Variants in LINGO2 observed in about 807,000 individuals in gnomAD.
LINGO2 encodes the protein leucine-rich repeat and immunoglobulin-like domain-containing nogo receptor-interacting protein 2.
A neutral mutation model predicts 30.6 loss-of-function variants in LINGO2; 14 were observed. The ratio of observed to expected loss-of-function variants is 0.46; its 90% CI spans 0.30 to 0.72. The LOEUF (loss-of-function observed/expected upper bound fraction) is 0.72. LINGO2 is among the 30% of genes least tolerant of loss of function. The probability of loss-of-function intolerance (pLI) is 0.07; values close to 1 mark genes in which losing one functional copy is unlikely to be tolerated. For missense variants in LINGO2, 729 were observed against 751.7 expected, an observed-to-expected ratio of 0.97 and a Z score of 0.35; for synonymous variants, 317 against 288.5, an observed-to-expected ratio of 1.10 and a Z score of -1.00.
chr9:28,353,707 T>G (rs1820022831), intron 3 of LINGO2, among the ~76,000 whole-genome samples: 1 of 152,146 alleles, frequency 6.6e-6, no homozygotes, highest in Admixed American at 6.6e-5. Context: ...TGCACACGTA[T>G]GTTTATTGCG....
the LINGO2 span, among the ~76,000 whole-genome samples, chr9:29,104,996 C>T: frequency 3.7e-4 from 57 of 152,270 alleles, no homozygotes; most frequent in African/African-American, 1.3e-3. Context: ...GCAATGGGTT[C>T]TCTTTAGTCA....
chr9:28,449,032 CGTGTGTGTGTGTGTGTGTGTGTGTGT>C (rs140779747), intron 2 of LINGO2, among the ~76,000 whole-genome samples: 1 of 137,910 alleles, frequency 7.3e-6, no homozygotes, highest in Admixed American at 7.4e-5. Flanking sequence ...TATTCACATT[CGTGTGTGTGTGTGTGTGTGTGTGTGT>C]GTGTGTGTGT....
At chr9:28,206,872 A>T (rs568648883) in intron 4 of LINGO2, among the ~76,000 whole-genome samples, 1 of 152,258 alleles carries the variant, frequency 6.6e-6, no homozygotes, top group South Asian at 2.1e-4. Flanking sequence ...CAGTTATCAT[A>T]CAAACCCTAC....
At chr9:28,844,557 T>C in the LINGO2 span, among the ~76,000 whole-genome samples, 2 of 151,806 alleles carry the variant, frequency 1.3e-5, no homozygotes, top group East Asian at 1.9e-4. Context: ...TTATAAAACA[T>C]TGTTCTTTTC....
chr9:28,543,407 T>A (rs1472451305), intron 1 of LINGO2, among the ~76,000 whole-genome samples: 3 of 152,086 alleles, frequency 2.0e-5, no homozygotes, highest in African/African-American at 7.2e-5. Flanking sequence ...AGAAAGACAG[T>A]TCTGGATTAT....
intron 4 of LINGO2, among the ~76,000 whole-genome samples, chr9:28,013,723 C>G (rs1385447031): frequency 1.3e-5 from 2 of 152,150 alleles, no homozygotes; most frequent in African/African-American, 4.8e-5. Context: ...ATGTTTCCCA[C>G]AAAGATATTT....
chr9:28,819,856 T>C, the LINGO2 span, among the ~76,000 whole-genome samples: 2 of 152,156 alleles, frequency 1.3e-5, no homozygotes, highest in Non-Finnish European at 2.9e-5. Context: ...CCATTTATTG[T>C]CTCTTCTACT....
At chr9:28,042,536 C>T (rs1211304557) in intron 4 of LINGO2, among the ~76,000 whole-genome samples, 1 of 152,118 alleles carries the variant, frequency 6.6e-6, no homozygotes, top group Non-Finnish European at 1.5e-5. Context: ...AACCAAAGTC[C>T]ACCATCTTTC....
At chr9:28,733,047 T>C in the LINGO2 span, among the ~76,000 whole-genome samples, 19 of 152,314 alleles carry the variant, frequency 1.2e-4, no homozygotes, top group African/African-American at 3.8e-4. Context: ...TACTTCCAGA[T>C]AAGAAATACT....
the LINGO2 span, among the ~76,000 whole-genome samples, chr9:29,088,260 G>A: frequency 2.6e-5 from 4 of 151,982 alleles, no homozygotes; most frequent in South Asian, 2.1e-4. Flanking sequence ...TATGATCCAC[G>A]CCATCTAGGT....
intron 4 of LINGO2, among the ~76,000 whole-genome samples, chr9:28,292,033 A>T (rs1186591865): frequency 1.3e-5 from 2 of 152,238 alleles, no homozygotes; most frequent in Non-Finnish European, 2.9e-5. Context: ...ATGGGGGAAG[A>T]AAGACCTGTC....
the LINGO2 span, among the ~76,000 whole-genome samples, chr9:29,150,564 AG>A: frequency 1.3e-5 from 2 of 152,222 alleles, no homozygotes; most frequent in Non-Finnish European, 2.9e-5. Context: ...AGCCATTTTA[AG>A]AAAAAAAGCA....
chr9:29,182,682 C>A, the LINGO2 span, among the ~76,000 whole-genome samples: 1 of 116,014 alleles, frequency 8.6e-6, no homozygotes, highest in African/African-American at 3.3e-5. Context: ...AGAAGTAAAT[C>A]TGTAGGTTTT....
chr9:28,068,654 A>G (rs1481282953), intron 4 of LINGO2, among the ~76,000 whole-genome samples: 1 of 152,160 alleles, frequency 6.6e-6, no homozygotes, highest in African/African-American at 2.4e-5. Flanking sequence ...AATATACCAT[A>G]CTTATTCGAT....
the LINGO2 span, among the ~76,000 whole-genome samples, chr9:28,826,823 C>G: frequency 5.3e-5 from 8 of 152,092 alleles, no homozygotes; most frequent in Non-Finnish European, 1.0e-4. Context: ...CATAGCTGCA[C>G]GATTGCAGTA....
chr9:28,787,023 C>G, the LINGO2 span, among the ~76,000 whole-genome samples: 12 of 152,088 alleles, frequency 7.9e-5, no homozygotes, highest in Non-Finnish European at 1.3e-4. Flanking sequence ...TGAAGAAAAG[C>G]TAGTTCTAGG....
chr9:28,137,512 T>C (rs1231254464), intron 4 of LINGO2, among the ~76,000 whole-genome samples: 1 of 152,082 alleles, frequency 6.6e-6, no homozygotes, highest in African/African-American at 2.4e-5. Context: ...ATTTAGGGCC[T>C]AGAATATTGG....
chr9:28,354,663 T>A (rs1820089429), intron 3 of LINGO2, among the ~76,000 whole-genome samples: 1 of 152,216 alleles, frequency 6.6e-6, no homozygotes, highest in African/African-American at 2.4e-5. Context: ...ACAACAACCC[T>A]GTACACATTT....
chr9:28,712,718 A>G, the LINGO2 span, among the ~76,000 whole-genome samples: 1 of 151,938 alleles, frequency 6.6e-6, no homozygotes, highest in Non-Finnish European at 1.5e-5. Context: ...TAACTACAAT[A>G]AAAGATTCTA....
Sources: allele counts gnomAD v4.1 joint callset (sites outside exome capture counted in the v4.1 genomes callset), GRCh38; gene constraint gnomAD v4.1.1; transcripts MANE v1.5; gene names NCBI Gene and HGNC (gene_info 2026-07-23, HGNC 2026-07-21).